GPR158: variants seen among roughly 807,000 people sequenced by gnomAD.
The protein encoded by GPR158 is metabotropic glycine receptor.
In GPR158, 30 loss-of-function variants were observed where a neutral mutation model predicts 78.2. The ratio of observed to expected loss-of-function variants is 0.38; its 90% CI spans 0.29 to 0.52. GPR158 has a LOEUF of 0.52. Ranked by LOEUF, GPR158 falls within the 20% of genes least tolerant of loss-of-function variation. GPR158 has a pLI of 0.83. For missense variants in GPR158, 1,463 were observed against 1,523.5 expected, an observed-to-expected ratio of 0.96 and a Z score of 0.66; for synonymous variants, 581 against 591.1, an observed-to-expected ratio of 0.98 and a Z score of 0.25.
intron 4 of GPR158, among the ~76,000 whole-genome samples, chr10:25,460,174 A>G (rs559346009): frequency 6.6e-6 from 1 of 152,240 alleles, no homozygotes; most frequent in African/African-American, 2.4e-5. Flanking sequence ...TGCATATTAT[A>G]ATACCAAATC....
chr10:25,343,050 T>C (rs1855326071), intron 2 of GPR158, among the ~76,000 whole-genome samples: 1 of 151,992 alleles, frequency 6.6e-6, no homozygotes. Context: ...AAACAGAGAC[T>C]GATTAGATTA....
chr10:25,580,922 T>A (rs1412538087), intron 7 of GPR158, among the ~76,000 whole-genome samples: 1 of 90,994 alleles, frequency 1.1e-5, no homozygotes, highest in African/African-American at 9.2e-5. Context: ...TATTTTATTT[T>A]ATTTTATTTT....
At chr10:25,285,576 G>A (rs1227325027) in intron 2 of GPR158, among the ~76,000 whole-genome samples, 1 of 152,110 alleles carries the variant, frequency 6.6e-6, no homozygotes, top group Non-Finnish European at 1.5e-5. Flanking sequence ...GTGTATTCCA[G>A]TTTCTGCAGA....
intron 5 of GPR158, among the ~76,000 whole-genome samples, chr10:25,488,374 A>G (rs1835761038): frequency 6.6e-6 from 1 of 152,226 alleles, no homozygotes; most frequent in South Asian, 2.1e-4. Context: ...GATTCTTTTC[A>G]TAAGGGAGAA....
rs1243647763 is a variant in GPR158, at chr10:25,599,927, GCTAT to G, written c.*659_*662del. On this transcript the variant is annotated 3_prime_UTR_variant, in exon 11 of 11. Coordinates refer to ENST00000376351, the MANE Select transcript of GPR158 (RefSeq NM_020752.3). ...TGTTATTGCACCTTACAGAATACCT[GCTAT>G]CTATCAACTTTAGTTGATTCTTGAA... 1 of 152,592 alleles carries G rather than the reference GCTAT, an allele frequency of 6.6e-6. No homozygotes were observed. Among genetic ancestry groups the G allele is most frequent in the African/African-American group, 2.4e-5 (1 of 41,418 alleles). 9.5% of individuals were successfully genotyped at this position (152,592 alleles called of 1,614,324 possible). A position where few individuals can be genotyped will look rare whatever the true frequency, so the allele number is the denominator to read the frequency against.
At chr10:25,429,089 T>C (rs1834860739) in intron 4 of GPR158, among the ~76,000 whole-genome samples, 1 of 152,030 alleles carries the variant, frequency 6.6e-6, no homozygotes, top group Admixed American at 6.6e-5. Context: ...CTACAGAGGA[T>C]GAAATACTAT....
intron 2 of GPR158, among the ~76,000 whole-genome samples, chr10:25,359,474 G>T (rs1855599727): frequency 6.6e-6 from 1 of 151,942 alleles, no homozygotes; most frequent in Non-Finnish European, 1.5e-5. Flanking sequence ...TGTTCTCATT[G>T]TTCAACTCCC....
chr10:25,453,131 A>G (rs1835244041), intron 4 of GPR158, among the ~76,000 whole-genome samples: 1 of 152,222 alleles, frequency 6.6e-6, no homozygotes, highest in African/African-American at 2.4e-5. Flanking sequence ...ATCCGTGGAT[A>G]GACTCTAAGG....
At chr10:25,333,464 A>G (rs977483985) in intron 2 of GPR158, among the ~76,000 whole-genome samples, 3 of 152,140 alleles carry the variant, frequency 2.0e-5, no homozygotes, top group African/African-American at 7.2e-5. Context: ...TGTGAACTTT[A>G]GAAGAGTTTA....
At chr10:25,432,731 C>T (rs1299904072) in intron 4 of GPR158, among the ~76,000 whole-genome samples, 4 of 152,068 alleles carry the variant, frequency 2.6e-5, no homozygotes, top group Admixed American at 2.6e-4. Context: ...TTTCCTTTCT[C>T]TTATTCTTCT....
intron 5 of GPR158, among the ~76,000 whole-genome samples, chr10:25,527,572 G>A (rs538799169): frequency 1.3e-5 from 2 of 152,118 alleles, no homozygotes; most frequent in Admixed American, 1.3e-4. Context: ...TTAGTAGGAT[G>A]CAGCCAAAGC....
chr10:25,455,734 G>A lies in GPR158; in HGVS notation c.1336-10917G>A, dbSNP rs115946001. 3.0e-3 allele frequency among the ~76,000 whole-genome samples: 456 copies of A among 152,264 alleles called. 5 individuals are homozygous for A. Among genetic ancestry groups the A allele is most frequent in the African/African-American group, 0.011 (438 of 41,560 alleles). ...ATGAGACTCTAAAATATCAAGATATGTAATTGCAACATATTAATAATTCGC... is the reference window on the plus strand; with the variant it reads ...ATGAGACTCTAAAATATCAAGATATATAATTGCAACATATTAATAATTCGC... On this transcript the variant is annotated intron_variant, in intron 4 of 10. Coordinates refer to ENST00000376351, the MANE Select transcript of GPR158 (RefSeq NM_020752.3).
chr10:25,318,986 A>T (rs1854904452), intron 2 of GPR158, among the ~76,000 whole-genome samples: 1 of 152,334 alleles, frequency 6.6e-6, no homozygotes, highest in East Asian at 1.9e-4. Flanking sequence ...TTGCTATACA[A>T]TTTGCAATCC....
At chr10:25,534,586 CAAAAAAA>C (rs57381468) in intron 5 of GPR158, among the ~76,000 whole-genome samples, 5 of 110,176 alleles carry the variant, frequency 4.5e-5, no homozygotes, top group African/African-American at 1.2e-4. Flanking sequence ...ACTAAAAATG[CAAAAAAA>C]AAAAAAAAAA....
intron 1 of GPR158, among the ~76,000 whole-genome samples, chr10:25,208,564 G>A (rs911930334): frequency 1.2e-4 from 12 of 96,106 alleles, no homozygotes; most frequent in Non-Finnish European, 2.6e-4. Flanking sequence ...GAATTTGTGT[G>A]TGTGTGTGTG....
chr10:25,429,061 T>A (rs187765594), intron 4 of GPR158, among the ~76,000 whole-genome samples: 1 of 152,188 alleles, frequency 6.6e-6, no homozygotes, highest in African/African-American at 2.4e-5. Flanking sequence ...TGAAGAATTA[T>A]ATTAACATTC....
chr10:25,452,888 C>G (rs1835240429), intron 4 of GPR158, among the ~76,000 whole-genome samples: 1 of 152,120 alleles, frequency 6.6e-6, no homozygotes, highest in African/African-American at 2.4e-5. Flanking sequence ...CCCCACTTCC[C>G]CTGCCCTCTA....
chr10:25,438,065 T>G (rs1835022098), intron 4 of GPR158, among the ~76,000 whole-genome samples: 1 of 152,220 alleles, frequency 6.6e-6, no homozygotes, highest in Non-Finnish European at 1.5e-5. Context: ...GAATTTTATC[T>G]GTGACTACAG....
chr10:25,567,331 G>A (rs1339850893), intron 6 of GPR158, among the ~76,000 whole-genome samples: 1 of 152,134 alleles, frequency 6.6e-6, no homozygotes, highest in African/African-American at 2.4e-5. Flanking sequence ...AGGAAAAACT[G>A]TTTAGAGCAG....
Sources: allele counts gnomAD v4.1 joint callset (sites outside exome capture counted in the v4.1 genomes callset), GRCh38; gene constraint gnomAD v4.1.1; transcripts MANE v1.5; gene names NCBI Gene and HGNC (gene_info 2026-07-23, HGNC 2026-07-21).